The following RXRA variants were observed in gnomAD, a reference collection of about 807,000 sequenced individuals.
RXRA encodes retinoid X receptor alpha, also known as retinoic acid receptor RXR-alpha.
In RXRA, 5 loss-of-function variants were observed where a neutral mutation model predicts 44.5. The observed-to-expected ratio is 0.11, with a 90% CI of 0.06 to 0.24. The LOEUF (loss-of-function observed/expected upper bound fraction) is 0.24, where lower values mean the gene tolerates loss of function less well. Ranked by LOEUF, RXRA falls within the 10% of genes least tolerant of loss-of-function variation. The pLI, the probability that RXRA is intolerant of heterozygous loss-of-function variation, is 1.00. For synonymous variants in RXRA, 291 were observed against 271.4 expected (o/e 1.07, Z -0.71); for missense variants, 412 against 646.5 (o/e 0.64, Z 3.93).
At chr9:134,327,669 GC>G (rs1834937658) in intron 1 of RXRA, among the ~76,000 whole-genome samples, 1 of 152,118 alleles carries the variant, frequency 6.6e-6, no homozygotes, top group African/African-American at 2.4e-5. Context: ...AGCCTGGGGT[GC>G]AGCTTGGCCA....
Position 134,437,182 on chromosome 9 carries a change from G to A in RXRA, c.*568G>A, listed in dbSNP as rs1430740904. On this transcript the variant is annotated 3_prime_UTR_variant, in exon 10 of 10. Coordinates refer to ENST00000481739, the MANE Select transcript of RXRA (RefSeq NM_002957.6). ...CCGCCTCGGGGATGAGAGGGGACTC[G>A]TGGGGCAAGCAAGCTGCCCTGTGCT... The A allele has an allele frequency of 1.3e-5, 2 of 157,788 alleles. No individual in the cohort carries two copies. The highest frequency in any genetic ancestry group is 2.4e-5 in the African/African-American group (1 of 41,496). The allele number at this position is 157,788 out of a possible 1,614,324, so 9.8% of individuals were successfully genotyped here.
At chr9:134,354,253 G>T (rs1229132885) in intron 1 of RXRA, among the ~76,000 whole-genome samples, 1 of 152,192 alleles carries the variant, frequency 6.6e-6, no homozygotes, top group Non-Finnish European at 1.5e-5. Flanking sequence ...CTGGCCCTGC[G>T]GTCTCTGCGG....
At chr9:134,390,213 T>C (rs1830779752) in intron 1 of RXRA, among the ~76,000 whole-genome samples, 1 of 151,142 alleles carries the variant, frequency 6.6e-6, no homozygotes, top group Admixed American at 6.6e-5. Flanking sequence ...GGAGGGGGAG[T>C]CTGACACACA....
intron 1 of RXRA, among the ~76,000 whole-genome samples, chr9:134,399,110 A>G (rs1830922332): frequency 6.6e-6 from 1 of 152,264 alleles, no homozygotes; most frequent in South Asian, 2.1e-4. Flanking sequence ...CATTTCACAG[A>G]TGAGGAAACT....
intron 7 of RXRA, among the ~76,000 whole-genome samples, chr9:134,431,097 G>A (rs949675407): frequency 6.6e-6 from 1 of 152,248 alleles, no homozygotes. Context: ...CCACAGGGGA[G>A]AGCCCAGGCT....
chr9:134,422,404 C>G, intron 6 of RXRA: 1 of 1,272,236 alleles, frequency 7.9e-7, no homozygotes, highest in Non-Finnish European at 1.0e-6. Flanking sequence ...TCCCCCGTCC[C>G]GTGACATTCC....
intron 1 of RXRA, among the ~76,000 whole-genome samples, chr9:134,338,115 G>A (rs1830034617): frequency 6.6e-6 from 1 of 152,188 alleles, no homozygotes; most frequent in South Asian, 2.1e-4. Context: ...GGAGGGAAAC[G>A]CTGGGCAGTG....
Position 134,424,957 on chromosome 9 carries a change from C to T in RXRA, c.910+3152C>T, listed in dbSNP as rs900885085. ...CCCCATTATGTCCCTGTGCTAGGCCCTCCCACTGTGTTCCCAGTGCTGGTG... is the reference window on the plus strand; with the variant it reads ...CCCCATTATGTCCCTGTGCTAGGCCTTCCCACTGTGTTCCCAGTGCTGGTG... On this transcript the variant is annotated intron_variant, in intron 6 of 9. Transcript: ENST00000481739. 6.1e-6 allele frequency: 6 copies of T among 985,358 alleles called. No homozygotes were observed. The African/African-American group carries it at 8.7e-5, about 14-fold the overall frequency. 61.0% of individuals were successfully genotyped at this position (985,358 alleles called of 1,614,324 possible). A position where few individuals can be genotyped will look rare whatever the true frequency, so the allele number is the denominator to read the frequency against.
rs1320007254 is a variant in RXRA at position 134,426,862 on chromosome 9, T to G, written c.911-2246T>G. 1.0e-6 allele frequency: 1 copy of G among 985,254 alleles called. No individual in the cohort carries two copies. The highest frequency in any genetic ancestry group is 1.2e-6 in the Non-Finnish European group (1 of 829,920). 61.0% of individuals were successfully genotyped at this position (985,254 alleles called of 1,614,324 possible). On this transcript the variant is annotated intron_variant, in intron 6 of 9. Transcript: ENST00000481739. This position sits in a 1 kb window ranked among gnomAD's most constrained non-coding sequence, Gnocchi z 4.6. The stretch of plus-strand genomic sequence containing the variant: ...CCTCGGCCCCCTGGGTCCCTGCCCT[T>G]GGCCACAGGAAGTCTGTCCACACTG...
intron 1 of RXRA, among the ~76,000 whole-genome samples, chr9:134,351,666 G>A (rs1830223097): frequency 6.6e-6 from 1 of 152,250 alleles, no homozygotes; most frequent in Admixed American, 6.5e-5. Flanking sequence ...ATGGAGCTGC[G>A]TCAATTAGAA....
chr9:134,425,201 T>C, intron 6 of RXRA: 1 of 985,410 alleles, frequency 1.0e-6, no homozygotes, highest in Non-Finnish European at 1.2e-6. Flanking sequence ...CCAGCCAGGC[T>C]GTGGGAGGTT....
chr9:134,328,258 C>T (rs1564255529), intron 1 of RXRA, among the ~76,000 whole-genome samples: 1 of 152,240 alleles, frequency 6.6e-6, no homozygotes. Context: ...TGGCAGGGGC[C>T]TGGCTGGTTG....
At chr9:134,334,845 G>T (rs7858925) in intron 1 of RXRA, among the ~76,000 whole-genome samples, 3 of 152,070 alleles carry the variant, frequency 2.0e-5, no homozygotes, top group African/African-American at 7.2e-5. Flanking sequence ...CCAGGAAGCC[G>T]TGGGCTCTGA....
At chr9:134,341,727 G>T (rs149829442) in intron 1 of RXRA, among the ~76,000 whole-genome samples, 50 of 152,308 alleles carry the variant, frequency 3.3e-4, no homozygotes, top group African/African-American at 1.2e-3. Context: ...GCCCTCCATG[G>T]GGAGCACCAT....
chr9:134,350,078 G>T (rs571776555), intron 1 of RXRA, among the ~76,000 whole-genome samples: 8 of 151,436 alleles, frequency 5.3e-5, no homozygotes, highest in African/African-American at 2.0e-4. Flanking sequence ...GTGTGTGTAG[G>T]GGGGGGTGGA....
intron 1 of RXRA, among the ~76,000 whole-genome samples, chr9:134,341,923 G>T (rs1454975015): frequency 6.6e-6 from 1 of 152,180 alleles, no homozygotes. Context: ...GCTTGGGTTT[G>T]TTGAGGCTCT....
intron 1 of RXRA, among the ~76,000 whole-genome samples, chr9:134,371,533 A>T (rs925765700): frequency 6.6e-6 from 1 of 152,124 alleles, no homozygotes; most frequent in Admixed American, 6.5e-5. Context: ...CCATAACATG[A>T]TCTCCCCTAG....
intron 1 of RXRA, among the ~76,000 whole-genome samples, chr9:134,379,004 T>TG (rs894599247): frequency 6.6e-5 from 10 of 152,042 alleles, no homozygotes; most frequent in Non-Finnish European, 1.3e-4. Flanking sequence ...TCCTTGAGGG[T>TG]GGGGGTGGAC....
At chr9:134,394,762 C>T (rs1387672656) in intron 1 of RXRA, among the ~76,000 whole-genome samples, 1 of 152,184 alleles carries the variant, frequency 6.6e-6, no homozygotes, top group Non-Finnish European at 1.5e-5. Flanking sequence ...TGTGCCAGCC[C>T]CTGATCTTGC....
Sources: gnomAD v4.1 joint callset for allele counts (sites outside exome capture counted in the v4.1 genomes callset) on GRCh38, gnomAD v4.1.1 for gene constraint, Gnocchi (gnomAD v3.1) non-coding constraint, MANE v1.5 for transcripts, NCBI Gene and HGNC (gene_info 2026-07-23, HGNC 2026-07-21) for gene names.